Variants in TMOD1 observed in about 807,000 individuals in gnomAD.
TMOD1 encodes tropomodulin 1, also known as tropomodulin-1.
TMOD1 carries 17 observed loss-of-function variants against 40.6 expected under a neutral mutation model. The ratio of observed to expected loss-of-function variants is 0.42; its 90% CI spans 0.29 to 0.63. The LOEUF is 0.63. Among genes scored for constraint, TMOD1 ranks in the 20% least tolerant of loss-of-function variants. The pLI, the probability that TMOD1 is intolerant of heterozygous loss-of-function variation, is 0.22. For missense variants in TMOD1, 391 were observed against 447.6 expected (o/e 0.87, Z 1.14); for synonymous variants, 181 against 175.0 (o/e 1.03, Z -0.27).
chr9:97,544,259 C>T (rs1464151046), intron 2 of TMOD1, among the ~76,000 whole-genome samples: 1 of 152,118 alleles, frequency 6.6e-6, no homozygotes, highest in Non-Finnish European at 1.5e-5. Context: ...TTAGTTAGGC[C>T]AGATGTGGTG....
At chr9:97,568,851 CG>C (rs1587948793) in intron 7 of TMOD1, 42 bp from the exon 8 acceptor site, 1 of 1,607,514 alleles carries the variant, frequency 6.2e-7, no homozygotes, top group African/African-American at 1.3e-5. Flanking sequence ...CAGCCTTGCT[CG>C]GGGTGACTCA....
Position 97,564,107 on chromosome 9 carries a change from C to T in TMOD1, c.557C>T (p.Thr186Met), listed in dbSNP as rs373349313. The change falls in exon 6 of 10, where the codon ACG becomes ATG. Residue 186 changes from threonine (T) to methionine (M), a missense_variant. Physicochemically the swap from Thr to Met is moderately conservative, Grantham distance 81. Transcript: ENST00000259365. ...EEPNSTDVEE[T>M]LERIKNNDPK... is the part of the protein sequence containing the mutation. ...CCAAATTCAACAGACGTAGAGGAAA[C>T]GCTGGAACGGATAAAGAACAACGAC... 17 of 1,613,932 alleles carry T rather than the reference C, an allele frequency of 1.1e-5. No individual in the cohort carries two copies. The highest frequency in any genetic ancestry group is 4.5e-5 in the East Asian group (2 of 44,900).
intron 8 of TMOD1, among the ~76,000 whole-genome samples, chr9:97,582,036 A>G (rs1242398261): frequency 2.6e-5 from 4 of 151,898 alleles, no homozygotes; most frequent in Admixed American, 6.6e-5. Context: ...TTTTGTTGCC[A>G]TTGCTTTTGG....
At position 97,591,454 on chromosome 9, in the gene TMOD1, C is replaced by G. The variant is rs781587505; in HGVS notation, c.1015+19C>G. On this transcript the variant is annotated intron_variant, in intron 9 of 9. Coordinates refer to ENST00000259365, the MANE Select transcript of TMOD1 (RefSeq NM_003275.4). The stretch of plus-strand genomic sequence containing the variant: ...GACCTTGGTGAGTAGAAATATGCTT[C>G]CTGCCCTGCCCGCAGTCCTGTTATT... 1 of 1,611,176 alleles carries G rather than the reference C, an allele frequency of 6.2e-7. No individual in the cohort carries two copies. Among genetic ancestry groups the G allele is most frequent in the South Asian group, 1.1e-5 (1 of 90,720 alleles).
intron 8 of TMOD1, among the ~76,000 whole-genome samples, chr9:97,579,356 T>TACAGCACAGAGCTCATGGTCTACAGC (rs1276290075): frequency 1.3e-5 from 2 of 152,214 alleles, no homozygotes; most frequent in Non-Finnish European, 1.5e-5. Context: ...GCTCATGGTC[T>TACAGCACAGAGCTCATGGTCTACAGC]ACAGCAGCAC....
chr9:97,557,593 T>C lies in TMOD1; in HGVS notation c.397+4193T>C, dbSNP rs1830555647. ...CCTGCCAGTGGCAGGGTGTATCTTA[T>C]CCAGGAGCAGCTCAACTGCATCCAA... On this transcript the variant is annotated intron_variant, in intron 4 of 9. Transcript: ENST00000259365. The surrounding 1 kb of genome is among the most constrained non-coding windows in gnomAD (Gnocchi z 4.4). Among the ~76,000 whole-genome samples, 1 of 152,178 alleles carries C rather than the reference T, an allele frequency of 6.6e-6. No individual in the cohort carries two copies. Among genetic ancestry groups the C allele is most frequent in the African/African-American group, 2.4e-5 (1 of 41,444 alleles).
chr9:97,527,860 G>T (rs1830041377), intron 2 of TMOD1, among the ~76,000 whole-genome samples: 1 of 152,218 alleles, frequency 6.6e-6, no homozygotes, highest in African/African-American at 2.4e-5. Context: ...GGGCCCTGCA[G>T]GCCTTTTGGG....
In TMOD1 at chr9:97,600,417, T is replaced by A; in HGVS notation, c.*719T>A. ...TCCCTGAGTGTTCTTTAAGAACATTTGGGATTTATGTACAATTTAATACTG... is the reference window on the plus strand; with the variant it reads ...TCCCTGAGTGTTCTTTAAGAACATTAGGGATTTATGTACAATTTAATACTG... On this transcript the variant is annotated 3_prime_UTR_variant, in exon 10 of 10. Transcript: ENST00000259365. 1 of 985,720 alleles carries A rather than the reference T, an allele frequency of 1.0e-6. No homozygotes were observed. Among genetic ancestry groups the A allele is most frequent in the Non-Finnish European group, 1.2e-6 (1 of 830,064 alleles). The allele number at this position is 985,720 out of a possible 1,614,324, so 61.1% of individuals were successfully genotyped here.
chr9:97,548,200 T>A (rs558154529), intron 3 of TMOD1, among the ~76,000 whole-genome samples: 9 of 152,296 alleles, frequency 5.9e-5, no homozygotes, highest in African/African-American at 1.4e-4. Context: ...GAGCCCCAGG[T>A]CCACATCTGT....
chr9:97,577,527 G>A (rs1032554615), intron 8 of TMOD1, among the ~76,000 whole-genome samples: 1 of 152,164 alleles, frequency 6.6e-6, no homozygotes, highest in Admixed American at 6.5e-5. Context: ...AGTGGCTCAT[G>A]CCTGTAACCC....
chr9:97,512,756 T>C (rs1829723860), intron 1 of TMOD1: 1 of 150,858 alleles, frequency 6.6e-6, no homozygotes, highest in Non-Finnish European at 1.5e-5. Flanking sequence ...GTACTATAAA[T>C]ATATTATTTT....
intron 7 of TMOD1, 122 bp downstream of exon 7, chr9:97,566,077 G>GCCTTC: frequency 5.1e-6 from 4 of 779,302 alleles, no homozygotes; most frequent in Non-Finnish European, 8.2e-6. Flanking sequence ...ACAGTGGAAG[G>GCCTTC]CATTGGACCA....
chr9:97,544,511 T>C (rs1302602248), intron 2 of TMOD1, among the ~76,000 whole-genome samples: 1 of 150,598 alleles, frequency 6.6e-6, no homozygotes, highest in East Asian at 2.0e-4. Context: ...ACTCCAGCCT[T>C]GGTGACAGAG....
rs376000616 is a variant in TMOD1 at position 97,558,525 on chromosome 9, C to A, written c.398-4207C>A. ...GTGGCGTGATCTCGGCTCACTGTAA[C>A]CTCCACCTCCCAGGTTCAAGCAATT... On this transcript the variant is annotated intron_variant, in intron 4 of 9. Coordinates refer to ENST00000259365, the MANE Select transcript of TMOD1 (RefSeq NM_003275.4). Among the ~76,000 whole-genome samples, 36 of 152,270 alleles carry A rather than the reference C, an allele frequency of 2.4e-4. No homozygotes were observed. In the East Asian group the frequency reaches 7.0e-3, roughly 29 times the overall value.
intron 8 of TMOD1, among the ~76,000 whole-genome samples, chr9:97,574,558 G>A: frequency 6.6e-6 from 1 of 152,244 alleles, no homozygotes; most frequent in Non-Finnish European, 1.5e-5. Context: ...TGAGGAGTGC[G>A]GGCGCAGGGC....
At chr9:97,563,843 C>T (rs188549466) in intron 5 of TMOD1, among the ~76,000 whole-genome samples, 195 bp from the exon 6 acceptor site, 1 of 152,312 alleles carries the variant, frequency 6.6e-6, no homozygotes, top group Middle Eastern at 3.4e-3. Context: ...AGGCAGAGTC[C>T]AAGTAGAACC....
At chr9:97,586,779 C>A (rs1360382784) in intron 8 of TMOD1, among the ~76,000 whole-genome samples, 2 of 151,768 alleles carry the variant, frequency 1.3e-5, no homozygotes, top group South Asian at 2.1e-4. Flanking sequence ...CAGGTGCCGT[C>A]CGTCACCCCT....
chr9:97,532,119 G>A (rs938781853), intron 2 of TMOD1, among the ~76,000 whole-genome samples: 1 of 152,152 alleles, frequency 6.6e-6, no homozygotes, highest in Non-Finnish European at 1.5e-5. Flanking sequence ...AACACAAACC[G>A]GCAGAATCGC....
At chr9:97,510,694 C>T (rs568562585) in intron 1 of TMOD1, among the ~76,000 whole-genome samples, 11 of 152,264 alleles carry the variant, frequency 7.2e-5, no homozygotes, top group Admixed American at 7.2e-4. Context: ...GATGTTTGTC[C>T]TCAGGTAGCT....
Sources: allele counts gnomAD v4.1 joint callset (sites outside exome capture counted in the v4.1 genomes callset), GRCh38; gene constraint gnomAD v4.1.1; non-coding constraint Gnocchi (gnomAD v3.1); transcripts MANE v1.5; gene names NCBI Gene and HGNC (gene_info 2026-07-23, HGNC 2026-07-21).